Variants in LATS1 observed in about 807,000 individuals in gnomAD.
LATS1 encodes serine/threonine-protein kinase LATS1.
Under a neutral mutation model 106.6 loss-of-function variants are expected in LATS1, and 25 were observed. The ratio of observed to expected loss-of-function variants is 0.23; its 90% CI spans 0.17 to 0.33. LATS1 has a LOEUF of 0.33. LATS1 is among the 10% of genes least tolerant of loss of function. LATS1 has a pLI of 1.00. For missense variants in LATS1, 1,040 were observed against 1,382.6 expected (o/e 0.75, Z 3.93); for synonymous variants, 465 against 455.6 (o/e 1.02, Z -0.26).
At chr6:149,678,111 A>G (rs1345085940) in intron 5 of LATS1, among the ~76,000 whole-genome samples, 4 of 146,252 alleles carry the variant, frequency 2.7e-5, no homozygotes, top group East Asian at 4.3e-4. Context: ...ATGAGGTCAG[A>G]AGATTGAGAC....
chr6:149,670,094 C>A (rs1781359921), intron 7 of LATS1, among the ~76,000 whole-genome samples: 4 of 144,212 alleles, frequency 2.8e-5, no homozygotes, highest in African/African-American at 7.9e-5. Context: ...ATCGCTTGAA[C>A]CTGGGAGGTG....
intron 2 of LATS1, among the ~76,000 whole-genome samples, chr6:149,699,334 C>T (rs1783302422): frequency 6.6e-6 from 1 of 151,970 alleles, no homozygotes; most frequent in South Asian, 2.1e-4. Flanking sequence ...GCACCTCTGC[C>T]CAGCCACCTC....
rs371480938 is a variant in LATS1, at chr6:149,701,943, G to C, written c.184C>G (p.Pro62Ala). The C allele has an allele frequency of 5.0e-6, 8 of 1,614,022 alleles. No homozygotes were observed. Among genetic ancestry groups the C allele is most frequent in the Non-Finnish European group, 6.8e-6 (8 of 1,180,026 alleles). ...TTGGGTGGATTTCTGACTTGTCGAG[G>C]ATCTTCGGTTGACATTTTACTCATG... Reference protein sequence around the residue: ...HNMSKMSTEDPRQVRNPPKFG... With the variant: ...HNMSKMSTEDARQVRNPPKFG... The change falls in exon 2 of 8, where the codon CCT (proline) becomes GCT (alanine). Residue 62 changes from proline to alanine, a missense_variant. Pro to Ala is a conservative substitution (Grantham distance 27). Transcript: ENST00000543571.
chr6:149,706,442 A>G (rs968692184), intron 1 of LATS1, among the ~76,000 whole-genome samples: 2 of 151,596 alleles, frequency 1.3e-5, no homozygotes, highest in African/African-American at 4.8e-5. Context: ...CCCAGGAGGT[A>G]GAGGCTACAG....
At chr6:149,687,618 G>T (rs1370475814) in intron 3 of LATS1, among the ~76,000 whole-genome samples, 1 of 151,694 alleles carries the variant, frequency 6.6e-6, no homozygotes, top group Non-Finnish European at 1.5e-5. Context: ...ATTTATTATT[G>T]TAGAGATGGT....
At chr6:149,709,463 C>T (rs563656778) in intron 1 of LATS1, among the ~76,000 whole-genome samples, 123 of 152,286 alleles carry the variant, frequency 8.1e-4, no homozygotes, top group African/African-American at 2.9e-3. Context: ...TAATTCCCTT[C>T]CTTTCTCAGG....
intron 4 of LATS1, among the ~76,000 whole-genome samples, chr6:149,682,408 C>CT: frequency 1.3e-5 from 2 of 149,052 alleles, no homozygotes; most frequent in African/African-American, 2.5e-5. Context: ...CCACGTATTT[C>CT]TTTTTTCTTT....
Position 149,660,608 on chromosome 6 carries a change from A to T in LATS1, c.*1121T>A, listed in dbSNP as rs1780848414. The T allele has an allele frequency of 4.3e-6, 1 of 232,294 alleles. No homozygotes were observed. Among genetic ancestry groups the T allele is most frequent in the Non-Finnish European group, 8.5e-6 (1 of 117,608 alleles). 14.4% of individuals were successfully genotyped at this position (232,294 alleles called of 1,614,324 possible). On this transcript the variant is annotated 3_prime_UTR_variant, in exon 8 of 8. Coordinates refer to ENST00000543571, the MANE Select transcript of LATS1 (RefSeq NM_004690.4). Reference sequence around the variant, plus strand: ...AAACCTTAATCTTCCTTAGAACCTAAGCGTTATACATAACAGGCATGTTGA... The same window carrying T: ...AAACCTTAATCTTCCTTAGAACCTATGCGTTATACATAACAGGCATGTTGA...
chr6:149,703,205 C>T (rs1783567837), intron 1 of LATS1, among the ~76,000 whole-genome samples: 1 of 152,030 alleles, frequency 6.6e-6, no homozygotes, highest in Non-Finnish European at 1.5e-5. Flanking sequence ...GAACTCCTGG[C>T]CTCAAGTGAT....
chr6:149,712,247 G>C (rs1307829128), intron 1 of LATS1, among the ~76,000 whole-genome samples: 2 of 152,034 alleles, frequency 1.3e-5, no homozygotes, highest in Non-Finnish European at 2.9e-5. Flanking sequence ...GCCCAGGCTG[G>C]AGTGCAATGG....
chr6:149,660,022 T>G lies in LATS1; in HGVS notation c.*1707A>C, dbSNP rs1340968159. 4.3e-6 allele frequency: 1 copy of G among 232,324 alleles called. No individual in the cohort carries two copies. The highest frequency in any genetic ancestry group is 8.5e-6 in the Non-Finnish European group (1 of 117,608). The allele number at this position is 232,324 out of a possible 1,614,324, so 14.4% of individuals were successfully genotyped here. A position where few individuals can be genotyped will look rare whatever the true frequency, so the allele number is the denominator to read the frequency against. On this transcript the variant is annotated 3_prime_UTR_variant, in exon 8 of 8. Transcript: ENST00000543571. The stretch of plus-strand genomic sequence containing the variant: ...TATATAAGATGTGCTGAGTAGTGAT[T>G]GGTAAGTTAAAAACAAAGTTCTTAG...
intron 2 of LATS1, among the ~76,000 whole-genome samples, chr6:149,701,498 C>T (rs1235354354): frequency 6.6e-6 from 1 of 152,192 alleles, no homozygotes; most frequent in Non-Finnish European, 1.5e-5. Context: ...TCACCTATGG[C>T]TTTCTTCAAC....
intron 4 of LATS1, among the ~76,000 whole-genome samples, chr6:149,682,588 G>A (rs1403113212): frequency 6.6e-6 from 1 of 151,462 alleles, no homozygotes; most frequent in Non-Finnish European, 1.5e-5. Context: ...ATTTTTTTTG[G>A]TATTTTTAGT....
chr6:149,676,243 T>C lies in LATS1; in HGVS notation c.2883+17A>G, dbSNP rs1781719493. 9.3e-6 allele frequency: 14 copies of C among 1,498,738 alleles called. No homozygotes were observed. Among genetic ancestry groups the C allele is most frequent in the African/African-American group, 1.4e-5 (1 of 72,668 alleles). The allele number at this position is 1,498,738 out of a possible 1,614,324, so 92.8% of individuals were successfully genotyped here. A position where few individuals can be genotyped will look rare whatever the true frequency, so the allele number is the denominator to read the frequency against. On this transcript the variant is annotated intron_variant, in intron 7 of 7. Transcript: ENST00000543571. ...CAACTTTGTGAGAATTCTTTTGATA[T>C]AGATGCCATACCTTACCTTCATTTG...
chr6:149,696,953 C>A, intron 2 of LATS1: 1 of 428,456 alleles, frequency 2.3e-6, no homozygotes, highest in Admixed American at 2.6e-5. Flanking sequence ...TGTAAACTAC[C>A]AAGCACAGTG....
In LATS1 at chr6:149,658,895, A is replaced by G. The variant is rs562226012; in HGVS notation, c.*2834T>C. ...TATGCATAAAAAGGGTAAGTATAATAAAGACAGCAAGTTTTTAATAAGAAA... is the reference window on the plus strand; with the variant it reads ...TATGCATAAAAAGGGTAAGTATAATGAAGACAGCAAGTTTTTAATAAGAAA... On this transcript the variant is annotated 3_prime_UTR_variant, in exon 8 of 8. Coordinates refer to ENST00000543571, the MANE Select transcript of LATS1 (RefSeq NM_004690.4). 1.3e-4 allele frequency: 20 copies of G among 152,346 alleles called. No individual in the cohort carries two copies. The highest frequency in any genetic ancestry group is 4.6e-4 in the Admixed American group (7 of 15,304). The allele number at this position is 152,346 out of a possible 1,614,324, so 9.4% of individuals were successfully genotyped here. A position where few individuals can be genotyped will look rare whatever the true frequency, so the allele number is the denominator to read the frequency against.
chr6:149,710,783 G>A (rs190848954), intron 1 of LATS1, among the ~76,000 whole-genome samples: 3 of 152,344 alleles, frequency 2.0e-5, no homozygotes, highest in African/African-American at 7.2e-5. Flanking sequence ...TAGTGTTATA[G>A]GAGTTTGGTA....
intron 3 of LATS1, 93 bp from the exon 4 acceptor site, chr6:149,684,685 G>A (rs1782264861): frequency 1.2e-6 from 1 of 811,398 alleles, no homozygotes; most frequent in South Asian, 2.1e-5. Flanking sequence ...TATTACAAAT[G>A]ATACTCAATT....
intron 5 of LATS1, among the ~76,000 whole-genome samples, chr6:149,679,669 CA>C (rs1781929202): frequency 6.6e-6 from 1 of 151,864 alleles, no homozygotes; most frequent in African/African-American, 2.4e-5. Flanking sequence ...TCTTTCATTT[CA>C]TAAGTCTAAA....
Sources: allele counts gnomAD v4.1 joint callset (sites outside exome capture counted in the v4.1 genomes callset), GRCh38; gene constraint gnomAD v4.1.1; transcripts MANE v1.5; gene names NCBI Gene and HGNC (gene_info 2026-07-23, HGNC 2026-07-21).